Variants in MYMX observed in about 807,000 individuals in gnomAD.
The protein encoded by MYMX is myomixer, myoblast fusion factor.
At chr6:44,214,668 G>A (rs1354813283), upstream of MYMX, among the ~76,000 whole-genome samples, 1 of 152,186 alleles carries the variant, frequency 6.6e-6, no homozygotes, top group Non-Finnish European at 1.5e-5. Flanking sequence ...TGTCTCCCGG[G>A]TTCAAGCAAT....
the MYMX span, among the ~76,000 whole-genome samples, chr6:44,205,990 AAACAAAAC>A: frequency 1.4e-5 from 2 of 140,964 alleles, no homozygotes; most frequent in Non-Finnish European, 1.6e-5. Context: ...AAAAAAAAAA[AAACAAAAC>A]AAAAAAAAAC....
chr6:44,217,302 C>T, intron 1 of MYMX, 148 bp from the exon 2 acceptor site: 1 of 397,228 alleles, frequency 2.5e-6, no homozygotes, highest in East Asian at 3.6e-5. Context: ...AGAGAAAGGG[C>T]TTCATGAAAG....
chr6:44,200,548 C>G, the MYMX span, among the ~76,000 whole-genome samples: 1 of 152,172 alleles, frequency 6.6e-6, no homozygotes, highest in South Asian at 2.1e-4. Flanking sequence ...TTCCTGACCT[C>G]AGGTGATCCA....
Position 44,217,840 on chromosome 6 carries a change from T to C in MYMX, c.*114T>C. The C allele has an allele frequency of 2.5e-6, 1 of 399,608 alleles. No homozygotes were observed. Among genetic ancestry groups the C allele is most frequent in the Non-Finnish European group, 4.4e-6 (1 of 226,168 alleles). 24.8% of individuals were successfully genotyped at this position (399,608 alleles called of 1,614,324 possible). On this transcript the variant is annotated 3_prime_UTR_variant, in exon 2 of 2. Coordinates refer to ENST00000573382, the MANE Select transcript of MYMX (RefSeq NM_001315494.2). The stretch of plus-strand genomic sequence containing the variant: ...CAGTGGACAGAAGATATAGTGAGGG[T>C]TGTGCATGAGAGGGATCTGCCACAG...
upstream of MYMX, among the ~76,000 whole-genome samples, chr6:44,213,521 A>T (rs564924403): frequency 2.3e-4 from 35 of 151,556 alleles, no homozygotes; most frequent in Admixed American, 4.6e-4. Context: ...TCCCGGGCTC[A>T]AGCAATTCTC....
At chr6:44,212,193 C>T (rs1033231118), upstream of MYMX, among the ~76,000 whole-genome samples, 2 of 151,870 alleles carry the variant, frequency 1.3e-5, no homozygotes, top group South Asian at 4.2e-4. Context: ...GTCACTTGAG[C>T]TCAGGGGTTC....
chr6:44,197,447 C>T, the MYMX span, among the ~76,000 whole-genome samples: 7 of 151,382 alleles, frequency 4.6e-5, no homozygotes, highest in East Asian at 7.8e-4. Flanking sequence ...GCAGAAGAGT[C>T]GCTTGAACCC....
chr6:44,197,405 C>T, the MYMX span, among the ~76,000 whole-genome samples: 19 of 151,620 alleles, frequency 1.3e-4, no homozygotes, highest in African/African-American at 3.6e-4. Context: ...TGGTGGCAGA[C>T]GCCTGTAATG....
upstream of MYMX, among the ~76,000 whole-genome samples, chr6:44,213,684 T>A (rs1170577741): frequency 6.6e-6 from 1 of 152,190 alleles, no homozygotes; most frequent in Non-Finnish European, 1.5e-5. Flanking sequence ...CCTCCCAGAG[T>A]GCTGGGATTA....
the MYMX span, among the ~76,000 whole-genome samples, chr6:44,199,501 C>G: frequency 6.6e-6 from 1 of 152,072 alleles, no homozygotes; most frequent in African/African-American, 2.4e-5. Context: ...CCTGGCCCCC[C>G]TCTTCTTTTT....
At chr6:44,193,965 C>T in the MYMX span, among the ~76,000 whole-genome samples, 1 of 151,164 alleles carries the variant, frequency 6.6e-6, no homozygotes, top group East Asian at 1.9e-4. Context: ...GCCTGGGAGA[C>T]AAGAGCAAAA....
the MYMX span, among the ~76,000 whole-genome samples, chr6:44,195,242 C>T: frequency 3.9e-5 from 6 of 152,186 alleles, no homozygotes; most frequent in Non-Finnish European, 8.8e-5. Context: ...TGGTCTCCAA[C>T]TCTTGACCTC....
the MYMX span, among the ~76,000 whole-genome samples, chr6:44,202,428 A>AT: frequency 7.0e-3 from 961 of 137,294 alleles, 6 homozygotes; most frequent in African/African-American, 0.02. Context: ...TCCAGATACT[A>AT]TTTTTTTTTT....
chr6:44,212,860 C>CAAAAAAAAAA (rs138470528), upstream of MYMX, among the ~76,000 whole-genome samples: 1 of 84,022 alleles, frequency 1.2e-5, no homozygotes, highest in Non-Finnish European at 2.4e-5. Flanking sequence ...CTTGTCTCTC[C>CAAAAAAAAAA]AAAAAAAAAA....
the MYMX span, among the ~76,000 whole-genome samples, chr6:44,199,136 T>C: frequency 9.2e-5 from 14 of 152,216 alleles, no homozygotes; most frequent in Non-Finnish European, 2.1e-4. Context: ...CATTCCCATA[T>C]TACCAGATTG....
the MYMX span, among the ~76,000 whole-genome samples, chr6:44,205,925 A>G: frequency 7.0e-6 from 1 of 143,486 alleles, no homozygotes; most frequent in Non-Finnish European, 1.5e-5. Context: ...GGTTGCAATG[A>G]GCTAAGATCA....
At chr6:44,212,464 C>A (rs76873863), upstream of MYMX, among the ~76,000 whole-genome samples, 3 of 151,200 alleles carry the variant, frequency 2.0e-5, no homozygotes, top group South Asian at 6.3e-4. Context: ...AATACTGTCA[C>A]CACGAAGAAA....
At chr6:44,195,167 C>T in the MYMX span, among the ~76,000 whole-genome samples, 1 of 151,884 alleles carries the variant, frequency 6.6e-6, no homozygotes, top group Non-Finnish European at 1.5e-5. Context: ...TACAGGTGCG[C>T]ACCACCAAGC....
At chr6:44,209,194 G>A in the MYMX span, among the ~76,000 whole-genome samples, 2 of 152,164 alleles carry the variant, frequency 1.3e-5, no homozygotes, top group African/African-American at 2.4e-5. Flanking sequence ...GAACTCCTAA[G>A]CTCAAGCCAT....
Sources: gnomAD v4.1 joint callset for allele counts (sites outside exome capture counted in the v4.1 genomes callset) on GRCh38, gnomAD v4.1.1 for gene constraint, MANE v1.5 for transcripts, NCBI Gene and HGNC (gene_info 2026-07-23, HGNC 2026-07-21) for gene names.